The following MYO1E variants were observed in gnomAD, a reference collection of about 807,000 sequenced individuals.
MYO1E encodes the protein myosin IE.
MYO1E carries 68 observed loss-of-function variants against 151.1 expected under a neutral mutation model. The observed-to-expected ratio is 0.45, with a 90% confidence interval of 0.37 to 0.55. The LOEUF (loss-of-function observed/expected upper bound fraction) is 0.55, where lower values mean the gene tolerates loss of function less well. Among genes scored for constraint, MYO1E ranks in the 20% least tolerant of loss-of-function variants. MYO1E has a pLI of 0.00. For missense variants in MYO1E, 1,363 were observed against 1,389.3 expected, an observed-to-expected ratio of 0.98 and a Z score of 0.30; for synonymous variants, 601 against 501.7, an observed-to-expected ratio of 1.20 and a Z score of -2.64.
chr15:59,149,947 G>C (rs1190451478), intron 26 of MYO1E, among the ~76,000 whole-genome samples: 1 of 152,158 alleles, frequency 6.6e-6, no homozygotes, highest in African/African-American at 2.4e-5. Context: ...TGCAATTCAT[G>C]TTTTCTTGGC....
chr15:59,277,813 A>C (rs1386014676), intron 1 of MYO1E, among the ~76,000 whole-genome samples: 1 of 152,212 alleles, frequency 6.6e-6, no homozygotes, highest in Admixed American at 6.5e-5. Context: ...TGTTTCATTG[A>C]AAGAGTAGTC....
rs1474660716 is a variant in MYO1E, at chr15:59,133,433, T to G, written c.*3947A>C. 6.6e-6 allele frequency: 1 copy of G among 152,060 alleles called. No homozygotes were observed. The highest frequency in any genetic ancestry group is 1.5e-5 in the Non-Finnish European group (1 of 68,044). The allele number at this position is 152,060 out of a possible 1,614,324, so 9.4% of individuals were successfully genotyped here. A position where few individuals can be genotyped will look rare whatever the true frequency, so the allele number is the denominator to read the frequency against. On this transcript the variant is annotated 3_prime_UTR_variant, in exon 28 of 28. Transcript: ENST00000288235. ...TGTGATGGCTCCCCCAGGGAAGAAC[T>G]GTGTGACCTTGGGCGACCTAGTGAA...
chr15:59,368,637 T>C (rs1418106587), intron 1 of MYO1E, among the ~76,000 whole-genome samples: 1 of 152,128 alleles, frequency 6.6e-6, no homozygotes, highest in Admixed American at 6.5e-5. Context: ...TCCCAGCTGC[T>C]TGGGAGGCTG....
In MYO1E at chr15:59,223,207, G is replaced by T. The variant is rs1342051951; in HGVS notation, c.778-16C>A. 4 of 1,610,534 alleles carry T rather than the reference G, an allele frequency of 2.5e-6. No individual in the cohort carries two copies. In the South Asian group the frequency reaches 4.4e-5, roughly 18 times the overall value. On this transcript the variant is annotated splice_polypyrimidine_tract_variant and intron_variant, in intron 8 of 27. Transcript: ENST00000288235. ...TCATGGCGTGCTGGAAGAGAAAAGA[G>T]AAACTATCCAGAGAAGCTGGTCACC...
chr15:59,368,075 C>T (rs999929636), intron 1 of MYO1E, among the ~76,000 whole-genome samples: 1 of 152,040 alleles, frequency 6.6e-6, no homozygotes, highest in Non-Finnish European at 1.5e-5. Flanking sequence ...ACCGAGATCG[C>T]GCCAGTGCAC....
chr15:59,354,214 C>G (rs1156716479), intron 1 of MYO1E, among the ~76,000 whole-genome samples: 1 of 152,180 alleles, frequency 6.6e-6, no homozygotes, highest in African/African-American at 2.4e-5. Context: ...AACAATTAAG[C>G]CATTAGCCTG....
chr15:59,208,090 T>C, intron 14 of MYO1E: 1 of 1,555,306 alleles, frequency 6.4e-7, no homozygotes, highest in Non-Finnish European at 8.6e-7. Flanking sequence ...GCTTTAAAGT[T>C]GCCTAAAACT....
intron 1 of MYO1E, among the ~76,000 whole-genome samples, chr15:59,272,960 G>A (rs1199932561): frequency 6.6e-6 from 1 of 152,214 alleles, no homozygotes; most frequent in Non-Finnish European, 1.5e-5. Flanking sequence ...CAAAGGCTAT[G>A]TCACACGGTC....
intron 25 of MYO1E, among the ~76,000 whole-genome samples, chr15:59,154,763 G>A (rs2079500665): frequency 6.6e-6 from 1 of 152,166 alleles, no homozygotes; most frequent in Non-Finnish European, 1.5e-5. Flanking sequence ...CACGAGATAG[G>A]TCCAGAATCT....
chr15:59,315,388 A>G (rs2080581689), intron 1 of MYO1E, among the ~76,000 whole-genome samples: 1 of 152,114 alleles, frequency 6.6e-6, no homozygotes, highest in Non-Finnish European at 1.5e-5. Flanking sequence ...CGAAAGGTCT[A>G]CTAGTTAGGG....
intron 1 of MYO1E, among the ~76,000 whole-genome samples, chr15:59,357,786 A>C (rs2080863420): frequency 6.6e-6 from 1 of 152,116 alleles, no homozygotes. Context: ...TCAAGAAGGC[A>C]GAGTTAAGGC....
chr15:59,195,285 C>T (rs2140330053), intron 17 of MYO1E, among the ~76,000 whole-genome samples, 176 bp downstream of exon 17: 1 of 152,262 alleles, frequency 6.6e-6, no homozygotes, highest in Non-Finnish European at 1.5e-5. Context: ...AACATTTTAG[C>T]AAATGACACG....
chr15:59,330,483 C>T (rs2080691637), intron 1 of MYO1E, among the ~76,000 whole-genome samples: 2 of 152,156 alleles, frequency 1.3e-5, no homozygotes, highest in Non-Finnish European at 2.9e-5. Context: ...AGTAAATATC[C>T]CCAAATATTC....
chr15:59,207,625 A>G, intron 14 of MYO1E: 4 of 1,614,174 alleles, frequency 2.5e-6, no homozygotes, highest in Non-Finnish European at 3.4e-6. Flanking sequence ...AAAGCTTGGT[A>G]TCCATTCTGA....
chr15:59,224,998 T>G (rs2079980679), intron 7 of MYO1E, among the ~76,000 whole-genome samples, 175 bp from the exon 8 acceptor site: 1 of 152,236 alleles, frequency 6.6e-6, no homozygotes, highest in Non-Finnish European at 1.5e-5. Flanking sequence ...TCTGCAAATT[T>G]TGATTCCTAA....
At chr15:59,205,080 T>C (rs2079824691) in intron 15 of MYO1E, among the ~76,000 whole-genome samples, 2 of 152,200 alleles carry the variant, frequency 1.3e-5, no homozygotes, top group African/African-American at 4.8e-5. Flanking sequence ...ATAGATTAAA[T>C]GATAATCCAG....
At chr15:59,245,912 C>T (rs1344425174) in intron 4 of MYO1E, among the ~76,000 whole-genome samples, 1 of 152,094 alleles carries the variant, frequency 6.6e-6, no homozygotes, top group Non-Finnish European at 1.5e-5. Flanking sequence ...ACATCATGAC[C>T]TTTTTGTTAA....
intron 1 of MYO1E, among the ~76,000 whole-genome samples, chr15:59,285,359 T>TC (rs1340312598): frequency 5.8e-5 from 8 of 138,906 alleles, no homozygotes; most frequent in African/African-American, 1.9e-4. Context: ...TCTTTTTTTT[T>TC]TTTTTTTTTT....
intron 1 of MYO1E, among the ~76,000 whole-genome samples, chr15:59,303,114 C>A (rs2080492903): frequency 6.6e-6 from 1 of 152,206 alleles, no homozygotes; most frequent in African/African-American, 2.4e-5. Context: ...GAGTTCCATG[C>A]TGCAAATAAA....
Sources: allele counts gnomAD v4.1 joint callset (sites outside exome capture counted in the v4.1 genomes callset), GRCh38; gene constraint gnomAD v4.1.1; transcripts MANE v1.5; gene names NCBI Gene and HGNC (gene_info 2026-07-23, HGNC 2026-07-21).